Variants in HLA-F observed in about 807,000 individuals in gnomAD.
The protein encoded by HLA-F is HLA class I histocompatibility antigen, alpha chain F.
In HLA-F, 46 loss-of-function variants were observed where a neutral mutation model predicts 49.5. The observed-to-expected ratio is 0.93, with a 90% confidence interval of 0.73 to 1.19. The LOEUF is 1.19. Among genes scored for constraint, HLA-F ranks in the 50% most tolerant of loss-of-function variants. HLA-F has a pLI of 0.00. For missense variants in HLA-F, 496 were observed against 579.6 expected, an observed-to-expected ratio of 0.86 and a Z score of 1.48; for synonymous variants, 203 against 233.5, an observed-to-expected ratio of 0.87 and a Z score of 1.19.
chr6:29,731,044 T>C (rs1611350), downstream of HLA-F, among the ~76,000 whole-genome samples: 45,059 of 151,762 alleles, frequency 0.3, 6,918 homozygotes, highest in Middle Eastern at 0.36. Context: ...TTCTCAGAAA[T>C]GTCATGCCCA....
rs1207465089 is a variant in HLA-F, at chr6:29,724,223, C to T, written c.385C>T (p.Arg129Cys). 12 of 1,613,046 alleles carry T rather than the reference C, an allele frequency of 7.4e-6. No homozygotes were observed. Among genetic ancestry groups the T allele is most frequent in the African/African-American group, 1.3e-5 (1 of 74,920 alleles). The change falls in exon 3 of 7, where the codon CGC (arginine) becomes TGC (cysteine). Residue 129 changes from arginine (R) to cysteine (C), a missense_variant. Transcript: ENST00000259951. ...MNGCDMGPDGRLLRGYHQHAY... is the reference protein window; with the variant it reads ...MNGCDMGPDGCLLRGYHQHAY... Reference sequence around the variant, plus strand: ...TGGCTGCGACATGGGGCCCGACGGACGCCTCCTCCGCGGGTATCACCAGCA... The same window carrying T: ...TGGCTGCGACATGGGGCCCGACGGATGCCTCCTCCGCGGGTATCACCAGCA...
downstream of HLA-F, among the ~76,000 whole-genome samples, chr6:29,729,983 C>T (rs540817201): frequency 2.0e-5 from 3 of 152,218 alleles, no homozygotes; most frequent in South Asian, 4.1e-4. Context: ...AGTGGTACAG[C>T]GACCATGAAA....
chr6:29,738,327 A>G (rs1009558842), intron 4 of HLA-F: 1 of 152,110 alleles, frequency 6.6e-6, no homozygotes, highest in African/African-American at 2.4e-5. Flanking sequence ...TTCCAGGTGA[A>G]AACCCACCTG....
At chr6:29,735,489 C>T (rs1232086261) in intron 3 of HLA-F, 1 of 151,096 alleles carries the variant, frequency 6.6e-6, no homozygotes, top group Non-Finnish European at 1.5e-5. Context: ...ATTCCAATGC[C>T]TTCTGAACTC....
Position 29,727,059 on chromosome 6 carries a change from G to A in HLA-F, c.1213G>A (p.Ala405Thr), listed in dbSNP as rs1343123307. Residue 405 changes from alanine (A) to threonine (T), a missense_variant, in exon 7 of 7, where the codon GCC (alanine) becomes ACC (threonine). Coordinates refer to ENST00000259951, the MANE Select transcript of HLA-F (RefSeq NM_001098479.2). ...FLWLWTSFNT[A>T]FLALQSLRFG... ...GTGGCTGTGGACATCTTTCAACACT[G>A]CCTTCTTGGCCTTGCAAAGCCTTCG... 3 of 1,613,044 alleles carry A rather than the reference G, an allele frequency of 1.9e-6. No homozygotes were observed. The highest frequency in any genetic ancestry group is 1.7e-5 in the Admixed American group (1 of 59,990).
chr6:29,734,075 C>G (rs75159074), intron 3 of HLA-F, among the ~76,000 whole-genome samples: 1,570 of 152,304 alleles, frequency 0.01, 32 homozygotes, highest in African/African-American at 0.036. Flanking sequence ...GGCCACACAA[C>G]AGCAGGAAGA....
chr6:29,726,904 A>T lies in HLA-F; in HGVS notation c.1058A>T (p.Asn353Ile), dbSNP rs3734815. ...ACAGCCTACTCAGTGGTCAGCGGAA[A>T]CTTGATGATAACATGGTGGTCAAGC... ...QAAAYSVVSG[N>I]LMITWWSSLF... Residue 353 changes from asparagine (N) to isoleucine (I), a missense_variant, in exon 7 of 7, where the codon AAC (asparagine) becomes ATC (isoleucine). Physicochemically the swap from Asn to Ile is moderately radical, Grantham distance 149. Coordinates refer to ENST00000259951, the MANE Select transcript of HLA-F (RefSeq NM_001098479.2). 231,116 of 1,604,290 alleles carry T rather than the reference A, an allele frequency of 0.14. 19,555 individuals carry two copies. The highest frequency in any genetic ancestry group is 0.29 in the South Asian group (26,851 of 91,040).
downstream of HLA-F, chr6:29,729,362 C>G (rs1776374081): frequency 6.6e-6 from 1 of 152,220 alleles, no homozygotes; most frequent in Admixed American, 6.5e-5. Context: ...TCAGTGCTCA[C>G]TGCATCTTAC....
At chr6:29,731,930 G>T (rs1018173369), downstream of HLA-F, among the ~76,000 whole-genome samples, 3 of 152,112 alleles carry the variant, frequency 2.0e-5, no homozygotes, top group African/African-American at 7.2e-5. Context: ...GTTTAAAGCA[G>T]TCTCTGGTTT....
intron 3 of HLA-F, 39 bp downstream of exon 3, chr6:29,724,487 A>G (rs779331419): frequency 3.7e-6 from 6 of 1,601,418 alleles, no homozygotes; most frequent in Non-Finnish European, 4.3e-6. Context: ...TCTCCTGTAG[A>G]TCTCTTGGGA....
intron 3 of HLA-F, among the ~76,000 whole-genome samples, chr6:29,734,702 G>C (rs1776909838): frequency 6.6e-6 from 1 of 152,114 alleles, no homozygotes; most frequent in Non-Finnish European, 1.5e-5. Flanking sequence ...TTGTACAATA[G>C]GTGTACAATG....
At position 29,724,342 on chromosome 6, in the gene HLA-F, T is replaced by A; in HGVS notation, c.504T>A (p.Tyr168Ter). Residue 168 changes from tyrosine to a stop codon, truncating the protein, a stop_gained, in exon 3 of 7, where the codon TAT (tyrosine) becomes TAA (stop). Coordinates refer to ENST00000259951, the MANE Select transcript of HLA-F (RefSeq NM_001098479.2). LOFTEE classifies it high-confidence loss of function. Reference sequence around the variant, plus strand: ...TGGCTCAGATCACCCAGCGCTTCTATGAGGCAGAGGAATATGCAGAGGAGT... The same window carrying A: ...TGGCTCAGATCACCCAGCGCTTCTAAGAGGCAGAGGAATATGCAGAGGAGT... Reference protein sequence around the residue: ...DTVAQITQRFYEAEEYAEEFR... With the variant: ...DTVAQITQRF 1.9e-6 allele frequency: 3 copies of A among 1,613,130 alleles called. No individual in the cohort carries two copies. Among genetic ancestry groups the A allele is most frequent in the Non-Finnish European group, 2.5e-6 (3 of 1,180,002 alleles).
At chr6:29,736,603 C>G (rs539397067) in intron 3 of HLA-F, 1 of 329,590 alleles carries the variant, frequency 3.0e-6, no homozygotes, top group Non-Finnish European at 5.9e-6. Context: ...AATAGCATTT[C>G]CAGCCTCCAG....
chr6:29,730,399 A>C (rs1776468504), downstream of HLA-F, among the ~76,000 whole-genome samples: 2 of 152,198 alleles, frequency 1.3e-5, no homozygotes, highest in African/African-American at 4.8e-5. Flanking sequence ...GGTAGGGAGA[A>C]TGGGCAGCTT....
intron 6 of HLA-F, 40 bp from the exon 7 acceptor site, chr6:29,726,843 G>A: frequency 6.3e-7 from 1 of 1,597,112 alleles, no homozygotes; most frequent in South Asian, 1.1e-5. Flanking sequence ...AACATCCACA[G>A]TGAACACAAG....
intron 6 of HLA-F, chr6:29,726,311 G>T: frequency 7.2e-7 from 1 of 1,380,920 alleles, no homozygotes; most frequent in South Asian, 1.2e-5. Flanking sequence ...GGGTTTCTTT[G>T]ACTTGGATGT....
Position 29,725,322 on chromosome 6 carries a change from G to A in HLA-F, c.886+16G>A, listed in dbSNP as rs745946060. On this transcript the variant is annotated intron_variant, in intron 4 of 6. Coordinates refer to ENST00000259951, the MANE Select transcript of HLA-F (RefSeq NM_001098479.2). ...CTGAGATGGGGTAAGGAGGGAGATG[G>A]GTAAAGAGGGGAACGAGGGGTCATG... 6 of 1,613,256 alleles carry A rather than the reference G, an allele frequency of 3.7e-6. No individual in the cohort carries two copies. Among genetic ancestry groups the A allele is most frequent in the South Asian group, 1.1e-5 (1 of 91,036 alleles).
chr6:29,723,906 CGCTA>C lies in HLA-F; in HGVS notation c.314_317del (p.Arg105ProfsTer14). 1 of 1,592,918 alleles carries C rather than the reference CGCTA, an allele frequency of 6.3e-7. No individual in the cohort carries two copies. The highest frequency in any genetic ancestry group is 1.4e-5 in the African/African-American group (1 of 73,476). On this transcript the variant is annotated frameshift_variant, in exon 2 of 7. Coordinates refer to ENST00000259951, the MANE Select transcript of HLA-F (RefSeq NM_001098479.2). LOFTEE classifies it high-confidence loss of function. ...AGTGGCCCTGAGGAACCTGCTCCGCCGCTACAACCAGAGCGAGGCTGGTGAGTGA... is the reference window on the plus strand; with the variant it reads ...AGTGGCCCTGAGGAACCTGCTCCGCCCAACCAGAGCGAGGCTGGTGAGTGA...
downstream of HLA-F, among the ~76,000 whole-genome samples, chr6:29,730,649 C>T (rs909717): frequency 0.83 from 125,988 of 151,994 alleles, 52,477 homozygotes; most frequent in East Asian, 0.98. Context: ...CTCTCAAGAA[C>T]TGTAAACCAG....
Sources: gnomAD v4.1 joint callset for allele counts (sites outside exome capture counted in the v4.1 genomes callset) on GRCh38, gnomAD v4.1.1 for gene constraint, MANE v1.5 for transcripts, NCBI Gene and HGNC (gene_info 2026-07-23, HGNC 2026-07-21) for gene names.